MED31: variants seen among roughly 807,000 people sequenced by gnomAD.
MED31 encodes the protein mediator complex subunit 31.
MED31 carries 11 observed loss-of-function variants against 22.0 expected under a neutral mutation model. The observed-to-expected ratio is 0.50, with a 90% CI of 0.31 to 0.83. The LOEUF (loss-of-function observed/expected upper bound fraction) is 0.83. MED31 is among the 40% of genes least tolerant of loss of function. The probability of loss-of-function intolerance (pLI) is 0.04; values close to 1 mark genes in which losing one functional copy is unlikely to be tolerated. For missense variants in MED31, 122 were observed against 155.3 expected, an observed-to-expected ratio of 0.79 and a Z score of 1.14; for synonymous variants, 60 against 55.1, an observed-to-expected ratio of 1.09 and a Z score of -0.40.
Position 6,650,431 on chromosome 17 carries a change from C to G in MED31, c.31G>C (p.Asp11His), listed in dbSNP as rs753894294. The G allele has an allele frequency of 1.2e-6, 2 of 1,614,056 alleles. No individual in the cohort carries two copies. The highest frequency in any genetic ancestry group is 1.1e-5 in the South Asian group (1 of 91,062). The part of the protein sequence containing the change: MAAAVAMETD[D>H]AGNRLRFQLE... ...TGAAACCGAAGTCGATTTCCAGCATCATCTAGGAGACAAGACAGCAAAAAT... is the reference window on the plus strand; with the variant it reads ...TGAAACCGAAGTCGATTTCCAGCATGATCTAGGAGACAAGACAGCAAAAAT... The change falls in exon 2 of 4, where the codon GAT (aspartate) becomes CAT (histidine). Residue 11 changes from aspartate to histidine, a missense_variant and splice_region_variant. Transcript: ENST00000225728.
At chr17:6,646,809 TGAG>T (rs1410795450) in intron 3 of MED31, among the ~76,000 whole-genome samples, 1 of 152,200 alleles carries the variant, frequency 6.6e-6, no homozygotes. Context: ...GGGTCTGTGC[TGAG>T]GAGGAGTAGT....
At position 6,644,476 on chromosome 17, in the gene MED31, C is replaced by G; in HGVS notation, c.387G>C (p.Ser129=). The stretch of plus-strand genomic sequence containing the variant: ...GTTTGTATCCAGTTTTTCATTTTCC[C>G]GATGTGTTATTTTGCTGTTGCTGCT... The part of the protein sequence containing the change: ...LAEQQQQNNT[S]GK The change falls in exon 4 of 4, where the codon TCG becomes TCC. Residue 129 remains serine (S), a synonymous_variant. Coordinates refer to ENST00000225728, the MANE Select transcript of MED31 (RefSeq NM_016060.3). 6.3e-7 allele frequency: 1 copy of G among 1,595,386 alleles called. No homozygotes were observed.
chr17:6,649,628 A>G (rs1474330731), intron 3 of MED31, among the ~76,000 whole-genome samples: 2 of 152,242 alleles, frequency 1.3e-5, no homozygotes, highest in Non-Finnish European at 2.9e-5. Flanking sequence ...GTCCAAGAAA[A>G]AAGACTGGAT....
intron 3 of MED31, among the ~76,000 whole-genome samples, chr17:6,647,041 C>G (rs1972775914): frequency 6.6e-6 from 1 of 152,232 alleles, no homozygotes; most frequent in East Asian, 1.9e-4. Flanking sequence ...AAACATAAAT[C>G]TAGCCTATGT....
rs1362534384 is a variant in MED31, at chr17:6,650,016, AAAGC to A, written c.165_168del (p.Leu55PhefsTer12). The A allele has an allele frequency of 3.1e-6, 5 of 1,605,272 alleles. No homozygotes were observed. The highest frequency in any genetic ancestry group is 4.2e-6 in the Non-Finnish European group (5 of 1,177,988). ...TTGGCATATTCTGGGTCTTTCCAGTAAAGCAAGTATTTAAGATAATTAACAAAAG... is the reference window on the plus strand; with the variant it reads ...TTGGCATATTCTGGGTCTTTCCAGTAAAGTATTTAAGATAATTAACAAAAG... On this transcript the variant is annotated frameshift_variant, in exon 3 of 4. Transcript: ENST00000225728. LOFTEE classifies it high-confidence loss of function.
At chr17:6,646,816 G>A (rs972771767) in intron 3 of MED31, among the ~76,000 whole-genome samples, 1 of 152,240 alleles carries the variant, frequency 6.6e-6, no homozygotes, top group African/African-American at 2.4e-5. Context: ...TGCTGAGGAG[G>A]AGTAGTGAAA....
At position 6,649,978 on chromosome 17, in the gene MED31, T is replaced by A; in HGVS notation, c.203+4A>T. On this transcript the variant is annotated splice_donor_region_variant and intron_variant, in intron 3 of 3. Transcript: ENST00000225728. ...ATGCTTAGGATTATAAAAATTAAAC[T>A]TACTTTAGATACTTGGCATATTCTG... 6.3e-7 allele frequency: 1 copy of A among 1,581,250 alleles called. No homozygotes were observed. The highest frequency in any genetic ancestry group is 8.5e-7 in the Non-Finnish European group (1 of 1,171,558).
At position 6,644,029 on chromosome 17, in the gene MED31, G is replaced by A. The variant is rs996775388; in HGVS notation, c.*438C>T. ...ATGATTTAAAGAGGTCAGTGACTCC[G>A]CTACTCTCACTACATCTTAGAGTAG... On this transcript the variant is annotated 3_prime_UTR_variant, in exon 4 of 4. Coordinates refer to ENST00000225728, the MANE Select transcript of MED31 (RefSeq NM_016060.3). The A allele has an allele frequency of 1.2e-5, 5 of 400,410 alleles. No homozygotes were observed. The highest frequency in any genetic ancestry group is 1.8e-5 in the Non-Finnish European group (4 of 227,242). 24.8% of individuals were successfully genotyped at this position (400,410 alleles called of 1,614,324 possible). A position where few individuals can be genotyped will look rare whatever the true frequency, so the allele number is the denominator to read the frequency against.
chr17:6,649,915 G>A (rs1972811104), intron 3 of MED31, 67 bp downstream of exon 3: 7 of 1,395,916 alleles, frequency 5.0e-6, no homozygotes, highest in Non-Finnish European at 6.6e-6. Context: ...TTTTGCCAAT[G>A]TGAAACTAAG....
Position 6,643,410 on chromosome 17 carries a change from C to T in MED31, c.*1057G>A, listed in dbSNP as rs559303215. 2 of 167,410 alleles carry T rather than the reference C, an allele frequency of 1.2e-5. No individual in the cohort carries two copies. The highest frequency in any genetic ancestry group is 1.7e-4 in the East Asian group (1 of 5,830). 10.4% of individuals were successfully genotyped at this position (167,410 alleles called of 1,614,324 possible). On this transcript the variant is annotated 3_prime_UTR_variant, in exon 4 of 4. Coordinates refer to ENST00000225728, the MANE Select transcript of MED31 (RefSeq NM_016060.3). ...CTTCTTTGATTTTGGAATGTAGAAC[C>T]TAACCTCACCACTGAAGGAAAGCAC... is the stretch of plus-strand genomic sequence containing the variant.
intron 3 of MED31, among the ~76,000 whole-genome samples, chr17:6,647,498 G>A (rs565932612): frequency 9.2e-5 from 14 of 152,268 alleles, no homozygotes; most frequent in Non-Finnish European, 2.1e-4. Context: ...TGAATCCTTA[G>A]GCCTGGAGTG....
intron 3 of MED31, among the ~76,000 whole-genome samples, chr17:6,649,215 GTTTTTT>G (rs950905992): frequency 5.1e-5 from 1 of 19,428 alleles, no homozygotes. Flanking sequence ...GGTTTTTTTT[GTTTTTT>G]TTGTTTTTTT....
At position 6,645,864 on chromosome 17, in the gene MED31, T is replaced by C. The variant is rs149370845; in HGVS notation, c.204-1205A>G. On this transcript the variant is annotated intron_variant, in intron 3 of 3. Transcript: ENST00000225728. ...AACAGGCAAAATACATGTAATATGA[T>C]ATTTACATAGTCTCAAAGGATTTCC... Among the ~76,000 whole-genome samples the C allele has an allele frequency of 9.1e-4, 138 of 152,360 alleles. 1 individual carries two copies. The highest frequency in any genetic ancestry group is 6.8e-3 in the Middle Eastern group (2 of 294).
intron 3 of MED31, among the ~76,000 whole-genome samples, chr17:6,648,456 T>A (rs879907521): frequency 6.6e-6 from 1 of 152,240 alleles, no homozygotes; most frequent in African/African-American, 2.4e-5. Flanking sequence ...TAGTGACAGC[T>A]GCTCTCAGCT....
At chr17:6,650,695 GGGCCACTAT>G (rs1972821543) in intron 1 of MED31, among the ~76,000 whole-genome samples, 1 of 152,142 alleles carries the variant, frequency 6.6e-6, no homozygotes, top group African/African-American at 2.4e-5. Flanking sequence ...TACCACTCGT[GGGCCACTAT>G]GTAGGAATTT....
At chr17:6,647,576 T>C (rs975519695) in intron 3 of MED31, among the ~76,000 whole-genome samples, 1 of 152,244 alleles carries the variant, frequency 6.6e-6, no homozygotes, top group African/African-American at 2.4e-5. Flanking sequence ...AACACCACAT[T>C]GAATAGAGGG....
In MED31 at chr17:6,644,451, G is replaced by A. The variant is rs765379982; in HGVS notation, c.*16C>T. The A allele has an allele frequency of 4.4e-6, 7 of 1,577,546 alleles. No individual in the cohort carries two copies. Among genetic ancestry groups the A allele is most frequent in the African/African-American group, 1.4e-5 (1 of 73,440 alleles). On this transcript the variant is annotated 3_prime_UTR_variant, in exon 4 of 4. Transcript: ENST00000225728. Reference sequence around the variant, plus strand: ...ATTATATACATGTATTAAGTGCCTCGTTTGTATCCAGTTTTTCATTTTCCC... The same window carrying A: ...ATTATATACATGTATTAAGTGCCTCATTTGTATCCAGTTTTTCATTTTCCC...
chr17:6,644,402 G>T lies in MED31; in HGVS notation c.*65C>A. On this transcript the variant is annotated 3_prime_UTR_variant, in exon 4 of 4. Transcript: ENST00000225728. ...GATAGGAAGAGTTTTCATTTTTTTTGTCTTCACTGTACAAAAGAAATACAT... is the reference window on the plus strand; with the variant it reads ...GATAGGAAGAGTTTTCATTTTTTTTTTCTTCACTGTACAAAAGAAATACAT... The T allele has an allele frequency of 2.7e-6, 4 of 1,456,200 alleles. No homozygotes were observed. Among genetic ancestry groups the T allele is most frequent in the African/African-American group, 1.4e-5 (1 of 70,064 alleles). 90.2% of individuals were successfully genotyped at this position (1,456,200 alleles called of 1,614,324 possible). A position where few individuals can be genotyped will look rare whatever the true frequency, so the allele number is the denominator to read the frequency against.
intron 2 of MED31, 122 bp downstream of exon 2, chr17:6,650,234 C>T (rs1240810976): frequency 1.6e-6 from 2 of 1,248,950 alleles, no homozygotes; most frequent in Non-Finnish European, 2.3e-6. Context: ...TATCTATATA[C>T]CAGCATAAGT....
Sources: gnomAD v4.1 joint callset for allele counts (sites outside exome capture counted in the v4.1 genomes callset) on GRCh38, gnomAD v4.1.1 for gene constraint, MANE v1.5 for transcripts, NCBI Gene and HGNC (gene_info 2026-07-23, HGNC 2026-07-21) for gene names.